Variants in SNTG2 observed in about 807,000 individuals in gnomAD.
SNTG2 encodes the protein gamma-2-syntrophin.
SNTG2 carries 74 observed loss-of-function variants against 70.9 expected under a neutral mutation model. That is an observed-to-expected ratio of 1.04 (90% CI 0.86 to 1.27). The LOEUF is 1.27. Ranked by LOEUF, SNTG2 falls within the 50% of genes most tolerant of loss-of-function variation. SNTG2 has a pLI of 0.00. For missense variants in SNTG2, 717 were observed against 690.7 expected (o/e 1.04, Z -0.43); for synonymous variants, 278 against 273.8 (o/e 1.02, Z -0.15).
At chr2:1,045,951 T>A (rs1291657931) in intron 1 of SNTG2, among the ~76,000 whole-genome samples, 2 of 152,144 alleles carry the variant, frequency 1.3e-5, no homozygotes, top group African/African-American at 4.8e-5. Context: ...ATTGATCTAG[T>A]ACTGTCAGTG....
intron 16 of SNTG2, among the ~76,000 whole-genome samples, chr2:1,322,513 C>T (rs1681577692): frequency 6.6e-6 from 1 of 152,282 alleles, no homozygotes; most frequent in Non-Finnish European, 1.5e-5. Flanking sequence ...GAGTTGGCCC[C>T]AGGAGAAATA....
intron 1 of SNTG2, among the ~76,000 whole-genome samples, chr2:983,339 A>ATGAAGAAGTTGCAGAGGTGGAG (rs1558293522): frequency 4.8e-4 from 46 of 95,098 alleles, no homozygotes; most frequent in Middle Eastern, 7.9e-3. Flanking sequence ...CAGAGGTGGA[A>ATGAAGAAGTTGCAGAGGTGGAG]GTCGGGATGA....
intron 1 of SNTG2, among the ~76,000 whole-genome samples, chr2:1,042,570 G>A (rs1661500248): frequency 6.6e-6 from 1 of 152,018 alleles, no homozygotes; most frequent in South Asian, 2.1e-4. Context: ...CCTTATTTGT[G>A]TCCATATGTA....
At chr2:991,372 TACAC>T (rs61002101) in intron 1 of SNTG2, among the ~76,000 whole-genome samples, 2,197 of 140,340 alleles carry the variant, frequency 0.016, 16 homozygotes, top group Non-Finnish European at 0.025. Context: ...TCTGTAATAT[TACAC>T]ACACACACAC....
intron 1 of SNTG2, among the ~76,000 whole-genome samples, chr2:1,005,375 C>T (rs138827181): frequency 6.6e-6 from 1 of 152,050 alleles, no homozygotes; most frequent in African/African-American, 2.4e-5. Context: ...AAATGCGCCA[C>T]CTGGGGGATG....
intron 11 of SNTG2, 112 bp from the exon 12 acceptor site, chr2:1,247,215 G>C: frequency 1.6e-6 from 1 of 632,026 alleles, no homozygotes; most frequent in East Asian, 2.8e-5. Context: ...CCCGTCTCCT[G>C]ATTCTGGGTG....
rs540698725 is a variant in SNTG2, at chr2:1,020,030, G to A, written c.73-63488G>A. On this transcript the variant is annotated intron_variant, in intron 1 of 16. Coordinates refer to ENST00000308624, the MANE Select transcript of SNTG2 (RefSeq NM_018968.4). The stretch of plus-strand genomic sequence containing the variant: ...TGCACTCCAGCTTGGGGGACAGAGC[G>A]AGACTCCATCTCAAAGAAAAACAAC... Among the ~76,000 whole-genome samples the A allele has an allele frequency of 2.0e-3, 303 of 152,252 alleles. 1 individual carries two copies. The highest frequency in any genetic ancestry group is 6.8e-3 in the Middle Eastern group (2 of 294).
At chr2:1,269,398 G>C (rs1331392824) in intron 14 of SNTG2, among the ~76,000 whole-genome samples, 2 of 152,266 alleles carry the variant, frequency 1.3e-5, no homozygotes, top group East Asian at 3.9e-4. Context: ...GCTGATGCCT[G>C]TAGTTCCAGC....
chr2:1,338,154 T>A (rs2148291987), intron 16 of SNTG2, among the ~76,000 whole-genome samples: 1 of 152,326 alleles, frequency 6.6e-6, no homozygotes, highest in African/African-American at 2.4e-5. Context: ...TCAGACTTTG[T>A]TTATTTGTTT....
chr2:1,207,994 T>A (rs1335315743), intron 8 of SNTG2, among the ~76,000 whole-genome samples: 1 of 152,184 alleles, frequency 6.6e-6, no homozygotes, highest in Non-Finnish European at 1.5e-5. Context: ...TGAAAGACAC[T>A]TCATGCCACC....
chr2:1,023,688 C>T (rs974911812), intron 1 of SNTG2, among the ~76,000 whole-genome samples: 1 of 152,190 alleles, frequency 6.6e-6, no homozygotes, highest in Non-Finnish European at 1.5e-5. Context: ...GCCCTGGCTC[C>T]GTCACTGTGC....
intron 1 of SNTG2, among the ~76,000 whole-genome samples, chr2:1,055,231 T>G (rs1662316432): frequency 6.6e-6 from 1 of 152,248 alleles, no homozygotes; most frequent in South Asian, 2.1e-4. Context: ...AGTGGGAATG[T>G]GAGCTTGCCC....
At chr2:1,218,982 G>A (rs1034398176) in intron 9 of SNTG2, among the ~76,000 whole-genome samples, 1 of 152,216 alleles carries the variant, frequency 6.6e-6, no homozygotes, top group Admixed American at 6.5e-5. Flanking sequence ...TGCGGTTTAG[G>A]TCTGGGTTTC....
intron 6 of SNTG2, among the ~76,000 whole-genome samples, chr2:1,155,674 T>C (rs1184592964): frequency 6.6e-6 from 1 of 152,158 alleles, no homozygotes. Context: ...CTCCCATTGC[T>C]TGGGGGACCT....
At chr2:1,332,393 TAGAG>T (rs1474094159) in intron 16 of SNTG2, among the ~76,000 whole-genome samples, 3 of 152,094 alleles carry the variant, frequency 2.0e-5, no homozygotes, top group African/African-American at 4.8e-5. Flanking sequence ...TTCCAAAAGA[TAGAG>T]AAAGACGGAA....
chr2:1,181,339 G>A (rs1287401044), intron 8 of SNTG2, among the ~76,000 whole-genome samples: 2 of 152,156 alleles, frequency 1.3e-5, no homozygotes, highest in Non-Finnish European at 2.9e-5. Flanking sequence ...AAAACAGATG[G>A]TGCAATTTCT....
rs553298012 is a variant in SNTG2, at chr2:970,423, C to T, written c.72+19355C>T. Among the ~76,000 whole-genome samples, 432 of 135,966 alleles carry T rather than the reference C, an allele frequency of 3.2e-3. 1 individual carries two copies. The highest frequency in any genetic ancestry group is 4.9e-3 in the Non-Finnish European group (310 of 63,876). The allele number at this position is 135,966 out of a possible 152,430, so 89.2% of individuals were successfully genotyped here. On this transcript the variant is annotated intron_variant, in intron 1 of 16. Transcript: ENST00000308624. The stretch of plus-strand genomic sequence containing the variant: ...CCCAATGCTATCCCTCCCCCCTCCC[C>T]CCACCCCACAACAGTCCCCAGAGTA...
At chr2:1,203,210 A>G (rs1673387136) in intron 8 of SNTG2, among the ~76,000 whole-genome samples, 1 of 152,190 alleles carries the variant, frequency 6.6e-6, no homozygotes, top group Non-Finnish European at 1.5e-5. Context: ...ACAAAACTCA[A>G]GTATCCTGCA....
intron 1 of SNTG2, among the ~76,000 whole-genome samples, chr2:1,069,066 C>T (rs1663347095): frequency 6.6e-6 from 1 of 152,154 alleles, no homozygotes; most frequent in Admixed American, 6.5e-5. Context: ...AGCTCTGTTT[C>T]CAGTCACAGT....
Sources: allele counts gnomAD v4.1 joint callset (sites outside exome capture counted in the v4.1 genomes callset), GRCh38; gene constraint gnomAD v4.1.1; transcripts MANE v1.5; gene names NCBI Gene and HGNC (gene_info 2026-07-23, HGNC 2026-07-21).